Variants in DIMT1 observed in about 807,000 individuals in gnomAD.
The protein encoded by DIMT1 is dimethyladenosine transferase.
In DIMT1, 36 loss-of-function variants were observed where a neutral mutation model predicts 43.2. The ratio of observed to expected loss-of-function variants is 0.83; its 90% CI spans 0.64 to 1.10. The LOEUF (loss-of-function observed/expected upper bound fraction) is 1.10. Among genes scored for constraint, DIMT1 ranks in the 50% least tolerant of loss-of-function variants. The pLI, the probability that DIMT1 is intolerant of heterozygous loss-of-function variation, is 0.00. For missense variants in DIMT1, 341 were observed against 385.3 expected (o/e 0.88, Z 0.96); for synonymous variants, 126 against 130.3 (o/e 0.97, Z 0.22).
intron 2 of DIMT1, 46 bp downstream of exon 2, chr5:62,403,227 A>T (rs1340553625): frequency 6.4e-7 from 1 of 1,556,998 alleles, no homozygotes; most frequent in Non-Finnish European, 8.9e-7. Context: ...CATAGGAATA[A>T]AATTAATAAA....
chr5:62,399,070 G>A (rs372491910), intron 3 of DIMT1, among the ~76,000 whole-genome samples, 189 bp from the exon 4 acceptor site: 3 of 152,186 alleles, frequency 2.0e-5, no homozygotes, highest in African/African-American at 4.8e-5. Flanking sequence ...AGTGGCTCAC[G>A]CCTGTAATCC....
At chr5:62,394,127 G>T in intron 7 of DIMT1, 80 bp from the exon 8 acceptor site, 1 of 1,269,598 alleles carries the variant, frequency 7.9e-7, no homozygotes, top group Non-Finnish European at 1.1e-6. Flanking sequence ...CTCACAGAAG[G>T]CACAACTGGA....
intron 6 of DIMT1, among the ~76,000 whole-genome samples, chr5:62,396,139 G>GTTTTTTGTTTTTTTT (rs1554044634): frequency 1.7e-5 from 2 of 116,746 alleles, no homozygotes; most frequent in Non-Finnish European, 3.4e-5. Context: ...GTCACTGCAG[G>GTTTTTTGTTTTTTTT]TTTTTTTTTT....
At chr5:62,403,594 T>C in intron 1 of DIMT1, 100 bp downstream of exon 1, 2 of 1,412,954 alleles carry the variant, frequency 1.4e-6, no homozygotes, top group East Asian at 2.5e-5. Flanking sequence ...GAGCGCGTCC[T>C]GACCGGCCTC....
chr5:62,396,151 T>TTTTTTTTTTTTTTTTTTTA (rs931809201), intron 6 of DIMT1, among the ~76,000 whole-genome samples: 1 of 148,186 alleles, frequency 6.7e-6, no homozygotes, highest in East Asian at 2.0e-4. Flanking sequence ...TTTTTTTTTT[T>TTTTTTTTTTTTTTTTTTTA]ACATTATTAA....
intron 8 of DIMT1, 112 bp from the exon 9 acceptor site, chr5:62,393,102 G>T: frequency 1.7e-6 from 1 of 603,108 alleles, no homozygotes; most frequent in Non-Finnish European, 2.8e-6. Context: ...ACTTTCTGAA[G>T]TGAAGAAAAT....
At position 62,387,479 on chromosome 5, in the gene DIMT1, A is replaced by C. The variant is rs1206561216; in HGVS notation, c.*1531T>G. On this transcript the variant is annotated 3_prime_UTR_variant, in exon 12 of 12. Transcript: ENST00000199320. ...GTCTTTGGAAAGTCTCCTTATAGAC[A>C]AATATGCTGCCTTACACTATGATGG... 1 of 152,200 alleles carries C rather than the reference A, an allele frequency of 6.6e-6. No homozygotes were observed. The highest frequency in any genetic ancestry group is 1.5e-5 in the Non-Finnish European group (1 of 68,018). The allele number at this position is 152,200 out of a possible 1,614,324, so 9.4% of individuals were successfully genotyped here. A position where few individuals can be genotyped will look rare whatever the true frequency, so the allele number is the denominator to read the frequency against.
In DIMT1 at chr5:62,393,964, G is replaced by A; in HGVS notation, c.654C>T (p.Ile218=). The A allele has an allele frequency of 2.5e-6, 4 of 1,607,628 alleles. No individual in the cohort carries two copies. The South Asian group carries it at 3.4e-5, about 13-fold the overall frequency. The part of the protein sequence containing the change: ...RIEPKNPPPP[I]NFQEWDGLVR... ...AGTATTTTAACCTCACCTGAAAATT[G>A]ATGGGTGGTGGTGGATTCTTAGGTT... Residue 218 remains isoleucine, a synonymous_variant, in exon 8 of 12, where the codon ATC becomes ATT. Coordinates refer to ENST00000199320, the MANE Select transcript of DIMT1 (RefSeq NM_014473.4).
intron 3 of DIMT1, 97 bp from the exon 4 acceptor site, chr5:62,398,978 ACTT>A (rs1193693491): frequency 2.2e-5 from 21 of 967,698 alleles, no homozygotes; most frequent in East Asian, 2.1e-4. Context: ...TATGTGACAA[ACTT>A]CTTCTCCCAT....
rs376692318 is a variant in DIMT1 at position 62,398,569 on chromosome 5, G to T, written c.397-9C>A. The T allele has an allele frequency of 8.7e-6, 14 of 1,612,878 alleles. No homozygotes were observed. The highest frequency in any genetic ancestry group is 1.2e-5 in the Non-Finnish European group (14 of 1,179,010). ...ACAAAAGGTGAAGAGATCTGTAAGA[G>T]AATTAACTAGTTATTTCCGGGAAAG... On this transcript the variant is annotated splice_polypyrimidine_tract_variant and intron_variant, in intron 5 of 11. Coordinates refer to ENST00000199320, the MANE Select transcript of DIMT1 (RefSeq NM_014473.4).
intron 10 of DIMT1, chr5:62,391,579 G>A (rs1742306524): frequency 2.2e-6 from 1 of 446,620 alleles, no homozygotes; most frequent in Admixed American, 5.6e-5. Context: ...AAACCATATA[G>A]GTTCTGAGTC....
At chr5:62,394,181 C>A in intron 7 of DIMT1, 134 bp from the exon 8 acceptor site, 2 of 939,644 alleles carry the variant, frequency 2.1e-6, no homozygotes, top group South Asian at 1.5e-5. Context: ...TAATAAAAAT[C>A]ACTGGCTGGG....
intron 6 of DIMT1, among the ~76,000 whole-genome samples, chr5:62,397,926 G>A (rs1416987272): frequency 2.0e-5 from 3 of 152,160 alleles, no homozygotes; most frequent in Non-Finnish European, 2.9e-5. Context: ...GGGATTACAG[G>A]TGTGACTCCA....
Position 62,387,947 on chromosome 5 carries a change from C to A in DIMT1, c.*1063G>T, listed in dbSNP as rs1433206849. 1 of 151,570 alleles carries A rather than the reference C, an allele frequency of 6.6e-6. No homozygotes were observed. Among genetic ancestry groups the A allele is most frequent in the Non-Finnish European group, 1.5e-5 (1 of 67,854 alleles). 9.4% of individuals were successfully genotyped at this position (151,570 alleles called of 1,614,324 possible). ...TATTAAGTTAGGTATTAAAAAAAGC[C>A]AAATATCAATAAAGATATTTTTATT... On this transcript the variant is annotated 3_prime_UTR_variant, in exon 12 of 12. Transcript: ENST00000199320.
rs949249978 is a variant in DIMT1 at position 62,391,772 on chromosome 5, C to T, written c.792+399G>A. 2.8e-5 allele frequency: 39 copies of T among 1,381,236 alleles called. No homozygotes were observed. In the African/African-American group the frequency reaches 5.1e-4, roughly 18 times the overall value. The allele number at this position is 1,381,236 out of a possible 1,614,324, so 85.6% of individuals were successfully genotyped here. ...AATTTCTATACAAAGAAAGTAATAA[C>T]TATATTTGTAACTGCTATGTGAGCA... On this transcript the variant is annotated intron_variant, in intron 10 of 11. Coordinates refer to ENST00000199320, the MANE Select transcript of DIMT1 (RefSeq NM_014473.4).
chr5:62,390,125 T>G (rs1580117953), intron 11 of DIMT1, among the ~76,000 whole-genome samples: 1 of 152,180 alleles, frequency 6.6e-6, no homozygotes, highest in Admixed American at 6.5e-5. Flanking sequence ...CTACTCTCAT[T>G]TTTTATTCAG....
rs1229845918 is a variant in DIMT1, at chr5:62,393,994, C to T, written c.624G>A (p.Arg208=). ...PPPKVESSVV[R]IEPKNPPPPI... ...GTGGTGGTGGATTCTTAGGTTCTATCCTTACAACACTGGATTCCACCTTGG... is the reference window on the plus strand; with the variant it reads ...GTGGTGGTGGATTCTTAGGTTCTATTCTTACAACACTGGATTCCACCTTGG... Residue 208 remains arginine, a synonymous_variant, in exon 8 of 12, where the codon AGG becomes AGA. Transcript: ENST00000199320. 1 of 1,611,962 alleles carries T rather than the reference C, an allele frequency of 6.2e-7. No individual in the cohort carries two copies. The highest frequency in any genetic ancestry group is 8.5e-7 in the Non-Finnish European group (1 of 1,179,426).
chr5:62,389,027 C>CT lies in DIMT1; in HGVS notation c.924dup (p.Gly309ArgfsTer28), dbSNP rs763353872. ...CCAAATACCTAGGAAAAATGAATAC[C>CT]TTCTGCGTTGAATCCATGTAGCAAT... is the stretch of plus-strand genomic sequence containing the variant. On this transcript the variant is annotated frameshift_variant, in exon 12 of 12. Transcript: ENST00000199320. LOFTEE classifies it high-confidence loss of function. 25 of 1,610,124 alleles carry CT rather than the reference C, an allele frequency of 1.6e-5. No individual in the cohort carries two copies. Among genetic ancestry groups the CT allele is most frequent in the Non-Finnish European group, 2.1e-5 (25 of 1,178,994 alleles).
chr5:62,402,441 G>C (rs548348594), intron 2 of DIMT1, among the ~76,000 whole-genome samples: 9 of 152,242 alleles, frequency 5.9e-5, no homozygotes, highest in African/African-American at 1.9e-4. Context: ...TTCTCTGTTC[G>C]TATCAACAAG....
Sources: gnomAD v4.1 joint callset for allele counts (sites outside exome capture counted in the v4.1 genomes callset) on GRCh38, gnomAD v4.1.1 for gene constraint, MANE v1.5 for transcripts, NCBI Gene and HGNC (gene_info 2026-07-23, HGNC 2026-07-21) for gene names.